ERG: variants seen among roughly 807,000 people sequenced by gnomAD.
ERG encodes the protein ETS transcription factor ERG.
A neutral mutation model predicts 55.3 loss-of-function variants in ERG; 9 were observed. That is an observed-to-expected ratio of 0.16 (90% confidence interval 0.10 to 0.28). The LOEUF is 0.28. Among genes scored for constraint, ERG ranks in the 10% least tolerant of loss-of-function variants. ERG has a pLI of 1.00. For synonymous variants in ERG, 223 were observed against 237.3 expected (o/e 0.94, Z 0.55); for missense variants, 434 against 631.6 (o/e 0.69, Z 3.35).
chr21:38,581,032 C>G (rs2146875547), intron 1 of ERG, among the ~76,000 whole-genome samples: 1 of 152,278 alleles, frequency 6.6e-6, no homozygotes, highest in Non-Finnish European at 1.5e-5. Context: ...TCTTTCAGAC[C>G]CAGGGAAACA....
intron 1 of ERG, among the ~76,000 whole-genome samples, chr21:38,604,017 G>A (rs965034095): frequency 5.9e-5 from 9 of 152,036 alleles, no homozygotes; most frequent in Non-Finnish European, 1.0e-4. Flanking sequence ...AGGGGGCCGA[G>A]GCGGGCGGAT....
intron 1 of ERG, among the ~76,000 whole-genome samples, chr21:38,603,605 G>GAGTT (rs145087038): frequency 0.072 from 10,885 of 151,986 alleles, 773 homozygotes; most frequent in African/African-American, 0.18. Context: ...CCTTCTCACT[G>GAGTT]AGTCTGCTAT....
chr21:38,549,789 T>C (rs111802825), intron 2 of ERG, among the ~76,000 whole-genome samples: 2,045 of 152,280 alleles, frequency 0.013, 50 homozygotes, highest in African/African-American at 0.047. Context: ...AATTAAATAC[T>C]ATTGCTCCAT....
intron 1 of ERG, among the ~76,000 whole-genome samples, chr21:38,597,496 C>CACACAT (rs1032334398): frequency 1.2e-4 from 19 of 152,028 alleles, no homozygotes; most frequent in Non-Finnish European, 2.8e-4. Flanking sequence ...CACACACACA[C>CACACAT]ACACGCACAC....
chr21:38,425,819 G>T (rs1349766613), intron 2 of ERG, among the ~76,000 whole-genome samples: 1 of 152,216 alleles, frequency 6.6e-6, no homozygotes, highest in African/African-American at 2.4e-5. Context: ...GTCTAAGGAG[G>T]TCAAAACCAT....
At chr21:38,464,409 T>A (rs2059070249) in intron 1 of ERG, among the ~76,000 whole-genome samples, 1 of 152,242 alleles carries the variant, frequency 6.6e-6, no homozygotes, top group South Asian at 2.1e-4. Flanking sequence ...CAAGAAGTCC[T>A]AAAACATCAG....
chr21:38,610,936 G>C (rs2060223198), intron 1 of ERG, among the ~76,000 whole-genome samples: 2 of 152,184 alleles, frequency 1.3e-5, no homozygotes, highest in South Asian at 4.1e-4. Flanking sequence ...AGAAGTTTTA[G>C]ATTAAAAGAG....
At chr21:38,564,082 G>GAA (rs763523130) in intron 2 of ERG, among the ~76,000 whole-genome samples, 1,865 of 144,876 alleles carry the variant, frequency 0.013, 45 homozygotes, top group African/African-American at 0.044. Flanking sequence ...GGGACTAAGA[G>GAA]AAAAAAAAAA....
chr21:38,613,593 C>G (rs1445318324), intron 1 of ERG, among the ~76,000 whole-genome samples: 3 of 152,200 alleles, frequency 2.0e-5, no homozygotes, highest in Admixed American at 6.5e-5. Context: ...TGGTGCTCGC[C>G]GCTCACTGTG....
chr21:38,650,824 T>C (rs1398106923), intron 1 of ERG, among the ~76,000 whole-genome samples: 1 of 152,356 alleles, frequency 6.6e-6, no homozygotes, highest in South Asian at 2.1e-4. Flanking sequence ...GCCTGTGTTA[T>C]GTGCAACCTG....
upstream of ERG, among the ~76,000 whole-genome samples, chr21:38,502,852 G>A (rs2059431265): frequency 1.4e-5 from 2 of 147,742 alleles, no homozygotes; most frequent in East Asian, 2.0e-4. Flanking sequence ...TCAGCCTCCT[G>A]AGTAGCTGGG....
At chr21:38,660,656 G>A (rs1302802065) in intron 1 of ERG, 1 of 152,024 alleles carries the variant, frequency 6.6e-6, no homozygotes, top group African/African-American at 2.4e-5. Flanking sequence ...CCTCGGCGCC[G>A]ACGGGCTCAG....
At chr21:38,498,609 T>G, upstream of ERG, 1 of 871,904 alleles carries the variant, frequency 1.1e-6, no homozygotes, top group Non-Finnish European at 1.5e-6. This position sits in a 1 kb window ranked among gnomAD's most constrained non-coding sequence, Gnocchi z 4.6. Context: ...ACAATGTTGT[T>G]TTTCTTGATG....
intron 2 of ERG, among the ~76,000 whole-genome samples, chr21:38,572,365 CA>C (rs758324053): frequency 0.055 from 3,714 of 66,972 alleles, 136 homozygotes; most frequent in African/African-American, 0.15. Context: ...GAGACTCCAT[CA>C]AAAAAAAAAA....
intron 1 of ERG, among the ~76,000 whole-genome samples, chr21:38,576,095 G>A (rs1019774986): frequency 6.6e-6 from 1 of 152,236 alleles, no homozygotes; most frequent in Non-Finnish European, 1.5e-5. Flanking sequence ...GACTAAAACA[G>A]GGCATACTTC....
intron 1 of ERG, among the ~76,000 whole-genome samples, chr21:38,478,924 C>T (rs1601102689): frequency 6.6e-6 from 1 of 152,176 alleles, no homozygotes; most frequent in African/African-American, 2.4e-5. Flanking sequence ...TGACTGGCTG[C>T]CTAAGTAACA....
chr21:38,413,593 C>T (rs941961722), intron 3 of ERG, among the ~76,000 whole-genome samples: 1 of 152,254 alleles, frequency 6.6e-6, no homozygotes, highest in Non-Finnish European at 1.5e-5. Flanking sequence ...AAATACATGA[C>T]TAAATTATTT....
intron 1 of ERG, among the ~76,000 whole-genome samples, chr21:38,482,095 A>T (rs2059243354): frequency 6.6e-6 from 1 of 152,206 alleles, no homozygotes; most frequent in Admixed American, 6.5e-5. Context: ...CTTTTAATTT[A>T]CAAGTGAAAC....
chr21:38,615,149 G>T (rs1300174324), intron 1 of ERG, among the ~76,000 whole-genome samples: 1 of 152,150 alleles, frequency 6.6e-6, no homozygotes, highest in Non-Finnish European at 1.5e-5. Flanking sequence ...GAATCAGAAA[G>T]TCACCATAAA....
Sources: allele counts gnomAD v4.1 joint callset (sites outside exome capture counted in the v4.1 genomes callset), GRCh38; gene constraint gnomAD v4.1.1; non-coding constraint Gnocchi (gnomAD v3.1); transcripts MANE v1.5; gene names NCBI Gene and HGNC (gene_info 2026-07-23, HGNC 2026-07-21).